Variants in CEP170B observed in about 807,000 individuals in gnomAD.
CEP170B encodes centrosomal protein of 170 kDa protein B.
Under a neutral mutation model 120.6 loss-of-function variants are expected in CEP170B, and 55 were observed. That is an observed-to-expected ratio of 0.46 (90% CI 0.37 to 0.57). CEP170B has a LOEUF of 0.57. CEP170B is among the 20% of genes least tolerant of loss of function. The pLI is 0.00. For missense variants in CEP170B, 2,212 were observed against 2,253.3 expected (o/e 0.98, Z 0.37); for synonymous variants, 1,033 against 954.5 (o/e 1.08, Z -1.52).
At chr14:104,869,832 C>A (rs1260604055) in intron 2 of CEP170B, among the ~76,000 whole-genome samples, 1 of 152,152 alleles carries the variant, frequency 6.6e-6, no homozygotes, top group Non-Finnish European at 1.5e-5. Context: ...CTTCCAGCCT[C>A]CAGAACCGTG....
In CEP170B at chr14:104,883,349, C is replaced by T. The variant is rs1229519943; in HGVS notation, c.892C>T (p.Pro298Ser). ...TKFSLRQRRP[P>S]GKEATPGEMV... ...GTTTTCCCTGCGCCAGCGGCGGCCC[C>T]CGGGCAAGGAGGCCACACCTGGCGA... Residue 298 changes from proline to serine, a missense_variant, in exon 8 of 19, where the codon CCG becomes TCG. Pro to Ser is a moderately conservative substitution (Grantham distance 74). This residue lies in a region of CEP170B where 2,166 missense variants were observed against 2,166.7 expected (regional missense o/e 1.00). Transcript: ENST00000414716. 2 of 1,611,034 alleles carry T rather than the reference C, an allele frequency of 1.2e-6. No homozygotes were observed.
rs1361415092 is a variant in CEP170B at position 104,870,083 on chromosome 14, G to C, written c.105+1528G>C. ...GTAGCGGGAGAGAGTCGGTGGCTGG[G>C]GGCAGGAGTCGGCAAATGTTTTCTA... On this transcript the variant is annotated intron_variant, in intron 2 of 18. Transcript: ENST00000414716. The surrounding 1 kb of genome is among the most constrained non-coding windows in gnomAD (Gnocchi z 4.1). Among the ~76,000 whole-genome samples, 1 of 147,068 alleles carries C rather than the reference G, an allele frequency of 6.8e-6. No individual in the cohort carries two copies. Among genetic ancestry groups the C allele is most frequent in the Non-Finnish European group, 1.5e-5 (1 of 66,150 alleles).
chr14:104,871,613 G>A (rs941201548), intron 2 of CEP170B, among the ~76,000 whole-genome samples: 2 of 152,172 alleles, frequency 1.3e-5, no homozygotes, highest in African/African-American at 4.8e-5. Context: ...GCAGAGAGGG[G>A]CCAGCAAGGT....
chr14:104,877,842 C>CCCCGCAG, intron 3 of CEP170B, 43 bp from the exon 4 acceptor site: 1 of 523,094 alleles, frequency 1.9e-6, no homozygotes, highest in Non-Finnish European at 3.2e-6. Context: ...AGCCACCCAC[C>CCCCGCAG]CGCGCAGCTC....
In CEP170B at chr14:104,870,410, G is replaced by A. The variant is rs1459195191; in HGVS notation, c.105+1855G>A. 6.6e-6 allele frequency among the ~76,000 whole-genome samples: 1 copy of A among 152,190 alleles called. No homozygotes were observed. The highest frequency in any genetic ancestry group is 2.4e-5 in the African/African-American group (1 of 41,440). ...CCCCACATACCCCACTGCCTCATGGGGCCGCAGCTGTATTTGGCGGGTTGC... is the reference window on the plus strand; with the variant it reads ...CCCCACATACCCCACTGCCTCATGGAGCCGCAGCTGTATTTGGCGGGTTGC... On this transcript the variant is annotated intron_variant, in intron 2 of 18. Coordinates refer to ENST00000414716, the MANE Select transcript of CEP170B (RefSeq NM_001112726.3). The surrounding 1 kb of genome is among the most constrained non-coding windows in gnomAD (Gnocchi z 4.1).
In CEP170B at chr14:104,877,911, G is replaced by A. The variant is rs112662648; in HGVS notation, c.222G>A (p.Pro74=). The A allele has an allele frequency of 2.1e-5, 31 of 1,456,300 alleles. No homozygotes were observed. The highest frequency in any genetic ancestry group is 2.1e-4 in the African/African-American group (14 of 67,680). The allele number at this position is 1,456,300 out of a possible 1,614,324, so 90.2% of individuals were successfully genotyped here. The stretch of plus-strand genomic sequence containing the variant: ...CGTTTGTGAATGACATGCGCATCCC[G>A]GACCAGAAGTACGTCACGCTGAAGC... ...NGTFVNDMRI[P]DQKYVTLKLN... Residue 74 remains proline (P), a synonymous_variant, in exon 4 of 19, where the codon CCG becomes CCA. Transcript: ENST00000414716.
chr14:104,882,646 G>A, intron 6 of CEP170B, 82 bp from the exon 7 acceptor site: 1 of 1,163,796 alleles, frequency 8.6e-7, no homozygotes, highest in Non-Finnish European at 1.2e-6. Context: ...CCAGAGTCCA[G>A]CCTCTCCTGG....
chr14:104,885,983 C>A, intron 10 of CEP170B, 57 bp from the exon 11 acceptor site: 1 of 1,440,722 alleles, frequency 6.9e-7, no homozygotes, highest in Non-Finnish European at 9.3e-7. Flanking sequence ...CCCTGGCACC[C>A]CCTGCTTCTC....
rs550176070 is a variant in CEP170B, at chr14:104,868,626, G to A, written c.105+71G>A. 604 of 1,410,130 alleles carry A rather than the reference G, an allele frequency of 4.3e-4. No individual in the cohort carries two copies. Among genetic ancestry groups the A allele is most frequent in the Admixed American group, 4.1e-3 (193 of 47,418 alleles). The allele number at this position is 1,410,130 out of a possible 1,614,324, so 87.4% of individuals were successfully genotyped here. On this transcript the variant is annotated intron_variant, in intron 2 of 18. Transcript: ENST00000414716. This position sits in a 1 kb window ranked among gnomAD's most constrained non-coding sequence, Gnocchi z 5.9. ...CTGTCCCTGTGGAGGCCAGGAAGGTGCCCACCCCACTTGCTGCAGGCCACC... is the reference window on the plus strand; with the variant it reads ...CTGTCCCTGTGGAGGCCAGGAAGGTACCCACCCCACTTGCTGCAGGCCACC...
At chr14:104,892,335 C>G (rs1241204889) in intron 13 of CEP170B, among the ~76,000 whole-genome samples, 1 of 152,134 alleles carries the variant, frequency 6.6e-6, no homozygotes, top group Non-Finnish European at 1.5e-5. Context: ...AGGCCTGTGC[C>G]CCCTGGGCAC....
rs1199977105 is a variant in CEP170B, at chr14:104,870,337, T to A, written c.105+1782T>A. Among the ~76,000 whole-genome samples, 1 of 152,166 alleles carries A rather than the reference T, an allele frequency of 6.6e-6. No individual in the cohort carries two copies. The highest frequency in any genetic ancestry group is 1.5e-5 in the Non-Finnish European group (1 of 68,026). On this transcript the variant is annotated intron_variant, in intron 2 of 18. Transcript: ENST00000414716. This position sits in a 1 kb window ranked among gnomAD's most constrained non-coding sequence, Gnocchi z 4.1. ...AATCATTTAAAAGTGTAAAGATCAT[T>A]CTTAGTTCTCAAGCCATCTAAAGAC...
rs1220656923 is a variant in CEP170B, at chr14:104,883,414, G to A, written c.957G>A (p.Val319=). ...AGACCAAGGTGGCCGACTGGCTGGT[G>A]CAGAATGACCCGAGCCTGCTGCACC... ...SAETKVADWL[V]QNDPSLLHRV... The change falls in exon 8 of 19, where the codon GTG becomes GTA. Residue 319 remains valine, a synonymous_variant. Transcript: ENST00000414716. 3 of 1,581,020 alleles carry A rather than the reference G, an allele frequency of 1.9e-6. No homozygotes were observed. Among genetic ancestry groups the A allele is most frequent in the Non-Finnish European group, 1.7e-6 (2 of 1,165,384 alleles).
At chr14:104,879,765 G>C (rs572744697) in intron 5 of CEP170B, among the ~76,000 whole-genome samples, 1 of 152,180 alleles carries the variant, frequency 6.6e-6, no homozygotes, top group African/African-American at 2.4e-5. Flanking sequence ...GGGCCCCTGT[G>C]GGGGGCGTGA....
At chr14:104,882,001 C>A (rs72700185) in intron 6 of CEP170B, among the ~76,000 whole-genome samples, 1 of 152,034 alleles carries the variant, frequency 6.6e-6, no homozygotes, top group Non-Finnish European at 1.5e-5. Context: ...CCTGGGCTTC[C>A]GCAAGGATGG....
rs1327255857 is a variant in CEP170B, at chr14:104,886,631, T to G, written c.2392T>G (p.Phe798Val). 2 of 1,523,536 alleles carry G rather than the reference T, an allele frequency of 1.3e-6. No individual in the cohort carries two copies. Among genetic ancestry groups the G allele is most frequent in the African/African-American group, 1.4e-5 (1 of 71,864 alleles). 94.4% of individuals were successfully genotyped at this position (1,523,536 alleles called of 1,614,324 possible). The change falls in exon 12 of 19, where the codon TTC (phenylalanine) becomes GTC (valine). Residue 798 changes from phenylalanine (F) to valine (V), a missense_variant. Phe to Val is a conservative substitution (Grantham distance 50). Around this residue, in one of 2 missense-constraint regions of CEP170B, gnomAD observed 2,166 missense variants for 2,166.7 expected, o/e 1.00. Transcript: ENST00000414716. ...CGGGGAGCCAACTCCCGCCTCTTTC[T>G]TCATTGGGGACCAGAATGGGGACGC... ...APGEPTPASF[F>V]IGDQNGDAVL...
chr14:104,886,215 C>T, intron 11 of CEP170B, 60 bp from the exon 12 acceptor site: 1 of 1,471,736 alleles, frequency 6.8e-7, no homozygotes, highest in Non-Finnish European at 9.0e-7. Flanking sequence ...CTGCCTCTTC[C>T]TGAGCGTGGA....
Position 104,870,659 on chromosome 14 carries a change from G to GTGCTCAGGGTGAGTTTGGGGTCC in CEP170B, c.105+2105_105+2127dup, listed in dbSNP as rs1895429234. On this transcript the variant is annotated intron_variant, in intron 2 of 18. Transcript: ENST00000414716. This position sits in a 1 kb window ranked among gnomAD's most constrained non-coding sequence, Gnocchi z 4.1. ...GTAGGGGAAAAGTGCTGGGGGCAGG[G>GTGCTCAGGGTGAGTTTGGGGTCC]TGCTCAGGGTGAGTTTGGGGTCCGA... Among the ~76,000 whole-genome samples, 1 of 152,170 alleles carries GTGCTCAGGGTGAGTTTGGGGTCC rather than the reference G, an allele frequency of 6.6e-6. No individual in the cohort carries two copies. Among genetic ancestry groups the GTGCTCAGGGTGAGTTTGGGGTCC allele is most frequent in the Non-Finnish European group, 1.5e-5 (1 of 68,020 alleles).
Position 104,883,335 on chromosome 14 carries a change from G to A in CEP170B, c.878G>A (p.Arg293His), listed in dbSNP as rs199932976. ...GACCATATCACCAAGTTTTCCCTGC[G>A]CCAGCGGCGGCCCCCGGGCAAGGAG... The part of the protein sequence containing the change: ...IKDHITKFSL[R>H]QRRPPGKEAT... The change falls in exon 8 of 19, where the codon CGC (arginine) becomes CAC (histidine). Residue 293 changes from arginine to histidine, a missense_variant. Around this residue, in one of 2 missense-constraint regions of CEP170B, gnomAD observed 2,166 missense variants for 2,166.7 expected, o/e 1.00. Transcript: ENST00000414716. 5.6e-6 allele frequency: 9 copies of A among 1,611,560 alleles called. No individual in the cohort carries two copies. The highest frequency in any genetic ancestry group is 2.2e-5 in the East Asian group (1 of 44,832).
In CEP170B at chr14:104,876,263, G is replaced by A; in HGVS notation, c.113G>A (p.Ser38Asn). ...GGCTGTGTGTCTCTCCAGTCCCGCA[G>A]CGTGGACAAGCAGCATGCCGTCATC... ...EECELMLQSR[S>N]VDKQHAVINY... is the part of the protein sequence containing the mutation. Residue 38 changes from serine to asparagine, a missense_variant, in exon 3 of 19, where the codon AGC becomes AAC. Ser to Asn is a conservative substitution (Grantham distance 46, BLOSUM62 1). Transcript: ENST00000414716. The A allele has an allele frequency of 6.4e-7, 1 of 1,550,790 alleles. No individual in the cohort carries two copies. Among genetic ancestry groups the A allele is most frequent in the Non-Finnish European group, 8.7e-7 (1 of 1,146,816 alleles).
Sources: allele counts gnomAD v4.1 joint callset (sites outside exome capture counted in the v4.1 genomes callset), GRCh38; gene constraint gnomAD v4.1.1; regional missense constraint gnomAD v4.1.1; non-coding constraint Gnocchi (gnomAD v3.1); transcripts MANE v1.5; gene names NCBI Gene and HGNC (gene_info 2026-07-23, HGNC 2026-07-21).